HMCN1: variants seen among roughly 807,000 people sequenced by gnomAD.
The protein encoded by HMCN1 is hemicentin-1.
A neutral mutation model predicts 625.9 loss-of-function variants in HMCN1; 321 were observed. That is an observed-to-expected ratio of 0.51 (90% CI 0.47 to 0.56). The LOEUF is 0.56. Ranked by LOEUF, HMCN1 falls within the 20% of genes least tolerant of loss-of-function variation. HMCN1 has a pLI of 0.00. For synonymous variants in HMCN1, 2,425 were observed against 2,417.6 expected (o/e 1.00, Z -0.09); for missense variants, 6,588 against 6,887.3 (o/e 0.96, Z 1.54).
intron 11 of HMCN1, among the ~76,000 whole-genome samples, chr1:185,951,812 A>G (rs1309161075): frequency 7.2e-5 from 11 of 151,800 alleles, no homozygotes; most frequent in African/African-American, 1.2e-4. Flanking sequence ...GCTGCGGTTC[A>G]GGCATTTGGA....
At chr1:186,084,539 T>A (rs1659358558) in intron 57 of HMCN1, among the ~76,000 whole-genome samples, 1 of 152,054 alleles carries the variant, frequency 6.6e-6, no homozygotes, top group Non-Finnish European at 1.5e-5. Context: ...CAATACCATT[T>A]GTTATCTCCC....
chr1:186,167,516 A>G (rs950174662), intron 100 of HMCN1, among the ~76,000 whole-genome samples: 5 of 152,176 alleles, frequency 3.3e-5, no homozygotes, highest in Non-Finnish European at 5.9e-5. Flanking sequence ...TCTAGCTTAG[A>G]TTAAGCTTCT....
At chr1:186,000,559 ATGTGTGTGTGTG>A (rs68110596) in intron 26 of HMCN1, among the ~76,000 whole-genome samples, 5,853 of 144,744 alleles carry the variant, frequency 0.04, 389 homozygotes, top group African/African-American at 0.14. Flanking sequence ...GTGTGTGTGT[ATGTGTGTGTGTG>A]TGTGTGTGTG....
chr1:186,148,134 A>G (rs1650437642), intron 93 of HMCN1, among the ~76,000 whole-genome samples: 10 of 152,238 alleles, frequency 6.6e-5, no homozygotes, highest in South Asian at 6.2e-4. Flanking sequence ...TGTTCACAGC[A>G]TCTTCATCAG....
At chr1:186,188,715 AC>A (rs1394734760) in intron 106 of HMCN1, among the ~76,000 whole-genome samples, 1 of 152,300 alleles carries the variant, frequency 6.6e-6, no homozygotes, top group African/African-American at 2.4e-5. Context: ...GGTAATGCTT[AC>A]CAAGTTACTG....
chr1:185,801,554 G>T lies in HMCN1; in HGVS notation c.269-44472G>T, dbSNP rs114979479. Among the ~76,000 whole-genome samples, 496 of 152,278 alleles carry T rather than the reference G, an allele frequency of 3.3e-3. 1 individual carries two copies. The highest frequency in any genetic ancestry group is 6.8e-3 in the Middle Eastern group (2 of 294). ...ACAGTCTTGTGGAGAGACAAAAATT[G>T]ATTAAATAGTCACATTAAACAGTTG... On this transcript the variant is annotated intron_variant, in intron 1 of 106. Coordinates refer to ENST00000271588, the MANE Select transcript of HMCN1 (RefSeq NM_031935.3).
chr1:185,749,202 G>C (rs937903220), intron 1 of HMCN1, among the ~76,000 whole-genome samples: 1 of 152,184 alleles, frequency 6.6e-6, no homozygotes, highest in African/African-American at 2.4e-5. Context: ...GTTTCAGTGA[G>C]ACTATATACT....
At chr1:186,102,442 A>G (rs1370153845) in intron 68 of HMCN1, among the ~76,000 whole-genome samples, 1 of 152,128 alleles carries the variant, frequency 6.6e-6, no homozygotes, top group Non-Finnish European at 1.5e-5. Context: ...TAAGTTTTTT[A>G]AAACCTTTAA....
rs747336634 is a variant in HMCN1 at position 186,128,186 on chromosome 1, G to A, written c.12799G>A (p.Gly4267Arg). The change falls in exon 83 of 107, where the codon GGA (glycine) becomes AGA (arginine). Residue 4267 changes from glycine (G) to arginine (R), a missense_variant. Physicochemically the swap from Gly to Arg is moderately radical, Grantham distance 125. Transcript: ENST00000271588. The stretch of plus-strand genomic sequence containing the variant: ...TCTCCCCACTTTTACTGAACTTCCT[G>A]GAGACGTGTCATTAAATAAAGGAGA... ...HVLPTFTELPGDVSLNKGEQL... is the reference protein window; with the variant it reads ...HVLPTFTELPRDVSLNKGEQL... 2 of 1,613,506 alleles carry A rather than the reference G, an allele frequency of 1.2e-6. No homozygotes were observed. The highest frequency in any genetic ancestry group is 2.2e-5 in the East Asian group (1 of 44,862).
intron 10 of HMCN1, among the ~76,000 whole-genome samples, chr1:185,929,237 C>T (rs1255764552): frequency 2.6e-5 from 4 of 152,044 alleles, no homozygotes; most frequent in Non-Finnish European, 5.9e-5. Flanking sequence ...AAAATGATTA[C>T]ATTCTAAGAA....
In HMCN1 at chr1:186,178,439, C is replaced by A. The variant is rs540719952; in HGVS notation, c.15967C>A (p.Pro5323Thr). 1.5e-5 allele frequency: 25 copies of A among 1,613,606 alleles called. No homozygotes were observed. In the African/African-American group the frequency reaches 3.3e-4, roughly 22 times the overall value. Residue 5323 changes from proline to threonine, a missense_variant, in exon 104 of 107, where the codon CCT becomes ACT. Transcript: ENST00000271588. ...AGACATTAATGAATGTGAACAAGTG[C>A]CTAAACCTTGTGCACATCAGTGCTC... ...CMDINECEQV[P>T]KPCAHQCSNT...
chr1:186,071,856 C>G (rs1176963058), intron 52 of HMCN1, among the ~76,000 whole-genome samples: 2 of 152,076 alleles, frequency 1.3e-5, no homozygotes, highest in South Asian at 2.1e-4. Context: ...ACAAATAATC[C>G]CTTTCTCCTT....
At chr1:185,744,144 ACACC>A in intron 1 of HMCN1, among the ~76,000 whole-genome samples, 4 of 149,718 alleles carry the variant, frequency 2.7e-5, no homozygotes, top group Admixed American at 6.6e-5. Context: ...GCCCGCCACC[ACACC>A]CAGCTAATTT....
intron 1 of HMCN1, among the ~76,000 whole-genome samples, chr1:185,747,907 G>T (rs16824414): frequency 4.6e-5 from 7 of 152,110 alleles, no homozygotes; most frequent in African/African-American, 7.2e-5. Flanking sequence ...AGGCTGTAAG[G>T]CATGCTGATT....
chr1:185,936,959 G>T (rs1013177165), intron 11 of HMCN1, among the ~76,000 whole-genome samples: 1 of 152,194 alleles, frequency 6.6e-6, no homozygotes, highest in Non-Finnish European at 1.5e-5. Flanking sequence ...ACTAGTTTTG[G>T]ATGAGTGTCA....
chr1:186,083,595 G>A (rs1479469498), intron 57 of HMCN1, among the ~76,000 whole-genome samples: 1 of 151,508 alleles, frequency 6.6e-6, no homozygotes, highest in African/African-American at 2.4e-5. Flanking sequence ...ACTTGGAAAT[G>A]GTGGATAATC....
At position 185,928,783 on chromosome 1, in the gene HMCN1, C is replaced by T. The variant is rs1667401251; in HGVS notation, c.1552+116C>T. On this transcript the variant is annotated intron_variant, in intron 10 of 106. Transcript: ENST00000271588. Reference sequence around the variant, plus strand: ...GTCTTTGCGATTATTTTATTATTGTCTATCTCTCCACTGAATTGAGAACTC... The same window carrying T: ...GTCTTTGCGATTATTTTATTATTGTTTATCTCTCCACTGAATTGAGAACTC... The T allele has an allele frequency of 7.1e-6, 8 of 1,122,912 alleles. No individual in the cohort carries two copies. In the Admixed American group the frequency reaches 1.4e-4, roughly 19 times the overall value. The allele number at this position is 1,122,912 out of a possible 1,614,324, so 69.6% of individuals were successfully genotyped here. A position where few individuals can be genotyped will look rare whatever the true frequency, so the allele number is the denominator to read the frequency against.
chr1:186,023,903 T>C (rs1654886538), intron 36 of HMCN1, among the ~76,000 whole-genome samples: 1 of 152,196 alleles, frequency 6.6e-6, no homozygotes, highest in Admixed American at 6.5e-5. Flanking sequence ...TCCAGGTATA[T>C]AGTAGGCAGT....
chr1:185,934,576 A>G (rs945462921), intron 11 of HMCN1, among the ~76,000 whole-genome samples: 6 of 152,214 alleles, frequency 3.9e-5, no homozygotes, highest in African/African-American at 1.4e-4. Flanking sequence ...CTAAAAGTCT[A>G]AAGACCAGCA....
Sources: allele counts gnomAD v4.1 joint callset (sites outside exome capture counted in the v4.1 genomes callset), GRCh38; gene constraint gnomAD v4.1.1; transcripts MANE v1.5; gene names NCBI Gene and HGNC (gene_info 2026-07-23, HGNC 2026-07-21).